The following CCDC7 variants were observed in gnomAD, a reference collection of about 807,000 sequenced individuals.
The protein encoded by CCDC7 is coiled-coil domain-containing protein 7.
A neutral mutation model predicts 196.9 loss-of-function variants in CCDC7; 183 were observed. The observed-to-expected ratio is 0.93, with a 90% CI of 0.82 to 1.05. The LOEUF is 1.05. CCDC7 is among the 50% of genes least tolerant of loss of function. The pLI, the probability that CCDC7 is intolerant of heterozygous loss-of-function variation, is 0.00. For missense variants in CCDC7, 1,540 were observed against 1,482.2 expected (o/e 1.04, Z -0.64); for synonymous variants, 525 against 484.6 (o/e 1.08, Z -1.10).
In CCDC7 at chr10:32,808,000, T is replaced by C. The variant is rs181241355; in HGVS notation, c.3097+2902T>C. The stretch of plus-strand genomic sequence containing the variant: ...CCCCACTGACATCCCCCTGCATCTA[T>C]GCAGTGGGCTGCAGACACTGCCACT... On this transcript the variant is annotated intron_variant, in intron 30 of 41. Coordinates refer to ENST00000639629, the Ensembl canonical transcript of CCDC7. Among the ~76,000 whole-genome samples, 13 of 152,248 alleles carry C rather than the reference T, an allele frequency of 8.5e-5. No individual in the cohort carries two copies. The East Asian group carries it at 2.3e-3, about 27-fold the overall frequency.
At chr10:32,670,381 C>G (rs189586585) in intron 21 of CCDC7, among the ~76,000 whole-genome samples, 2 of 141,288 alleles carry the variant, frequency 1.4e-5, no homozygotes. Flanking sequence ...TATTTACTTT[C>G]TTTTTTTTTT....
intron 24 of CCDC7, among the ~76,000 whole-genome samples, chr10:32,707,747 G>A (rs986719655): frequency 2.6e-5 from 4 of 151,940 alleles, no homozygotes; most frequent in African/African-American, 9.7e-5. Flanking sequence ...TAAAACACCT[G>A]GGAATCCAAC....
intron 36 of CCDC7, 88 bp from the exon 38 acceptor site, chr10:32,846,288 C>A (rs2093289036): frequency 2.7e-6 from 2 of 752,396 alleles, no homozygotes; most frequent in Admixed American, 2.7e-5. Flanking sequence ...TCATGAATAT[C>A]CTTCTATAAT....
chr10:32,777,552 A>AT (rs2080276018), intron 28 of CCDC7, among the ~76,000 whole-genome samples: 1 of 151,898 alleles, frequency 6.6e-6, no homozygotes, highest in Non-Finnish European at 1.5e-5. Flanking sequence ...TTTATCTTTT[A>AT]TTTTTTAATA....
intron 24 of CCDC7, among the ~76,000 whole-genome samples, chr10:32,698,005 C>T (rs1355941777): frequency 1.3e-5 from 2 of 152,098 alleles, no homozygotes; most frequent in Non-Finnish European, 2.9e-5. Flanking sequence ...AACCTTTGCT[C>T]TTCTGCAATA....
intron 8 of CCDC7, among the ~76,000 whole-genome samples, chr10:32,484,294 GT>G (rs1449566070): frequency 1.3e-5 from 2 of 150,792 alleles, no homozygotes; most frequent in Admixed American, 6.7e-5. Flanking sequence ...TTGGCTCCCT[GT>G]TTGTCTGTTA....
At chr10:32,865,506 G>A (rs1052921509) in intron 41 of CCDC7, among the ~76,000 whole-genome samples, 4 of 151,730 alleles carry the variant, frequency 2.6e-5, no homozygotes, top group African/African-American at 9.7e-5. Flanking sequence ...TTGCTGGTAA[G>A]GGTGTAAAAT....
chr10:32,745,628 G>A (rs998309835), intron 28 of CCDC7, among the ~76,000 whole-genome samples: 4 of 152,068 alleles, frequency 2.6e-5, no homozygotes, highest in African/African-American at 7.2e-5. Context: ...CACCAGCTAC[G>A]ACCTCCAATA....
intron 8 of CCDC7, among the ~76,000 whole-genome samples, chr10:32,475,071 T>C (rs1466297402): frequency 6.6e-6 from 1 of 152,204 alleles, no homozygotes; most frequent in Non-Finnish European, 1.5e-5. Flanking sequence ...GAGTAGATAG[T>C]GAAAACCTCT....
At chr10:32,625,413 A>G (rs1362423331) in intron 18 of CCDC7, among the ~76,000 whole-genome samples, 1 of 151,614 alleles carries the variant, frequency 6.6e-6, no homozygotes, top group Non-Finnish European at 1.5e-5. Context: ...TTTATATACC[A>G]TTACAATACT....
In CCDC7 at chr10:32,695,146, C is replaced by T. The variant is rs1196828767; in HGVS notation, c.2458+154C>T. Among the ~76,000 whole-genome samples the T allele has an allele frequency of 5.3e-5, 8 of 152,160 alleles. No homozygotes were observed. The East Asian group carries it at 1.5e-3, about 29-fold the overall frequency. On this transcript the variant is annotated intron_variant, in intron 24 of 41. Transcript: ENST00000639629. ...CTTAAAATAACTAGAGAACAAAAGC[C>T]ATATAATATTTGGTTGGAATTTCTG... is the stretch of plus-strand genomic sequence containing the variant.
intron 28 of CCDC7, among the ~76,000 whole-genome samples, chr10:32,775,898 T>C (rs1420198420): frequency 6.6e-6 from 1 of 151,358 alleles, no homozygotes; most frequent in East Asian, 1.9e-4. Flanking sequence ...CCAACAATGA[T>C]AGACTGGATT....
At chr10:32,661,906 C>T (rs867356292) in intron 20 of CCDC7, among the ~76,000 whole-genome samples, 13 of 152,090 alleles carry the variant, frequency 8.5e-5, no homozygotes, top group Non-Finnish European at 1.6e-4. Flanking sequence ...CCCCCTAAGT[C>T]CACTGGCTCT....
At chr10:32,702,903 G>A (rs111882072) in intron 24 of CCDC7, among the ~76,000 whole-genome samples, 21,769 of 152,048 alleles carry the variant, frequency 0.14, 1,895 homozygotes, top group African/African-American at 0.25. Flanking sequence ...TTGAGCCTAT[G>A]TGTGTCTCTG....
At chr10:32,847,707 C>G in intron 37 of CCDC7, 126 bp from the exon 39 acceptor site, 1 of 606,564 alleles carries the variant, frequency 1.6e-6, no homozygotes, top group South Asian at 2.1e-5. Context: ...AGAACAAGAT[C>G]CTGTCTCTAA....
At chr10:32,621,241 T>C (rs2063374343) in intron 18 of CCDC7, among the ~76,000 whole-genome samples, 1 of 152,196 alleles carries the variant, frequency 6.6e-6, no homozygotes, top group Non-Finnish European at 1.5e-5. Flanking sequence ...AAATACTTCC[T>C]TACCTTATGC....
intron 40 of CCDC7, among the ~76,000 whole-genome samples, chr10:32,852,816 A>C (rs536401188): frequency 6.6e-6 from 1 of 152,316 alleles, no homozygotes; most frequent in African/African-American, 2.4e-5. Context: ...GCTTCTGGAA[A>C]AGCAAATGAA....
intron 20 of CCDC7, among the ~76,000 whole-genome samples, chr10:32,657,662 G>A (rs1283645604): frequency 6.6e-6 from 1 of 152,152 alleles, no homozygotes; most frequent in Admixed American, 6.5e-5. Flanking sequence ...TGATGGGAGG[G>A]GCTGCTGTGA....
chr10:32,531,181 G>A (rs1030522809), intron 11 of CCDC7, among the ~76,000 whole-genome samples: 21 of 152,044 alleles, frequency 1.4e-4, no homozygotes. Flanking sequence ...GGAGTGCAAT[G>A]GTGTGATTTT....
Sources: gnomAD v4.1 joint callset for allele counts (sites outside exome capture counted in the v4.1 genomes callset) on GRCh38, gnomAD v4.1.1 for gene constraint, MANE v1.5 for transcripts, NCBI Gene and HGNC (gene_info 2026-07-23, HGNC 2026-07-21) for gene names.